The following MTCL2 variants were observed in gnomAD, a reference collection of about 807,000 sequenced individuals.
The protein encoded by MTCL2 is microtubule cross-linking factor 2.
the MTCL2 span, chr20:36,796,792 A>G: frequency 2.4e-6 from 3 of 1,265,750 alleles, no homozygotes; most frequent in East Asian, 2.3e-5. Flanking sequence ...GAAAGCAGGT[A>G]GAGTGGGTGC....
At chr20:36,794,180 T>G in the MTCL2 span, 21 of 1,549,140 alleles carry the variant, frequency 1.4e-5, no homozygotes, top group Non-Finnish European at 1.8e-5. The surrounding 1 kb of genome is among the most constrained non-coding windows in gnomAD (Gnocchi z 5.4). Context: ...CCACCGACCA[T>G]AGGAGCTCTC....
the MTCL2 span, among the ~76,000 whole-genome samples, chr20:36,801,834 C>T: frequency 4.7e-5 from 7 of 149,574 alleles, no homozygotes; most frequent in African/African-American, 1.7e-4. Flanking sequence ...TGTGGTGGCA[C>T]GTGCCTGTAA....
chr20:36,808,793 C>T, the MTCL2 span: 19 of 1,499,286 alleles, frequency 1.3e-5, no homozygotes, highest in South Asian at 1.2e-4. Flanking sequence ...TCCTCTCCCC[C>T]ACCCCTTTCT....
chr20:36,786,704 G>A, the MTCL2 span: 1 of 1,412,084 alleles, frequency 7.1e-7, no homozygotes, highest in East Asian at 2.5e-5. Context: ...ACCATGAGCT[G>A]TGTGGTATGC....
chr20:36,841,917 GTA>G, the MTCL2 span, among the ~76,000 whole-genome samples: 6 of 142,004 alleles, frequency 4.2e-5, no homozygotes, highest in African/African-American at 1.3e-4. Flanking sequence ...GTGTGTGTGT[GTA>G]TACAGGGTTT....
chr20:36,824,678 G>T, the MTCL2 span, among the ~76,000 whole-genome samples: 1 of 151,132 alleles, frequency 6.6e-6, no homozygotes, highest in South Asian at 2.1e-4. Flanking sequence ...TTTCAGACAG[G>T]GTCTCGCTCT....
At chr20:36,853,621 G>A in the MTCL2 span, among the ~76,000 whole-genome samples, 21 of 151,918 alleles carry the variant, frequency 1.4e-4, no homozygotes, top group Non-Finnish European at 2.5e-4. Context: ...TAAGGTCTAC[G>A]CAGCCAGTCA....
At chr20:36,808,780 C>A in the MTCL2 span, 1 of 1,528,590 alleles carries the variant, frequency 6.5e-7, no homozygotes, top group Non-Finnish European at 8.8e-7. Flanking sequence ...CCCCAGGGCC[C>A]TGTCCTCTCC....
chr20:36,789,315 C>T, the MTCL2 span, among the ~76,000 whole-genome samples: 201 of 152,212 alleles, frequency 1.3e-3, 1 homozygote, highest in Admixed American at 2.8e-3. Flanking sequence ...CGAGATATTA[C>T]GTAAAACATT....
the MTCL2 span, among the ~76,000 whole-genome samples, chr20:36,840,413 C>T: frequency 1.3e-5 from 2 of 151,692 alleles, no homozygotes. Context: ...CGTAATCAGC[C>T]TGCCTCGGCC....
At chr20:36,841,013 T>A in the MTCL2 span, among the ~76,000 whole-genome samples, 1 of 151,152 alleles carries the variant, frequency 6.6e-6, no homozygotes, top group Non-Finnish European at 1.5e-5. Flanking sequence ...AAAATAATAA[T>A]AACAAAAGAC....
chr20:36,856,844 G>T, the MTCL2 span, among the ~76,000 whole-genome samples: 1 of 150,840 alleles, frequency 6.6e-6, no homozygotes, highest in East Asian at 1.9e-4. Flanking sequence ...CACAGCGTGT[G>T]TGTGTGTGTG....
the MTCL2 span, chr20:36,839,314 T>C: frequency 6.2e-7 from 1 of 1,613,024 alleles, no homozygotes; most frequent in Non-Finnish European, 8.5e-7. This position sits in a 1 kb window ranked among gnomAD's most constrained non-coding sequence, Gnocchi z 5.1. Flanking sequence ...CAGCCGGTAC[T>C]GCAGGATGCG....
the MTCL2 span, among the ~76,000 whole-genome samples, chr20:36,836,962 G>GT: frequency 6.6e-6 from 1 of 152,194 alleles, no homozygotes; most frequent in Non-Finnish European, 1.5e-5. Flanking sequence ...CTTAACAAAG[G>GT]TTTTTCTTTT....
the MTCL2 span, chr20:36,804,726 G>A: frequency 6.2e-7 from 1 of 1,611,310 alleles, no homozygotes. Flanking sequence ...TGACAGGTGG[G>A]GGGCTCACCT....
chr20:36,813,471 C>T, the MTCL2 span, among the ~76,000 whole-genome samples: 1 of 151,888 alleles, frequency 6.6e-6, no homozygotes, highest in Admixed American at 6.6e-5. Flanking sequence ...CGATGGCTCA[C>T]ACCTGCAATC....
chr20:36,850,878 G>A, the MTCL2 span, among the ~76,000 whole-genome samples: 64 of 152,310 alleles, frequency 4.2e-4, no homozygotes, highest in South Asian at 8.3e-4. Flanking sequence ...ACTACTCAGC[G>A]ATGAAAAGGA....
the MTCL2 span, chr20:36,808,571 A>G: frequency 6.2e-7 from 1 of 1,611,108 alleles, no homozygotes; most frequent in Admixed American, 1.7e-5. Context: ...GCGCTTGAGG[A>G]ACCACCTGAG....
chr20:36,813,313 T>TAAAA, the MTCL2 span, among the ~76,000 whole-genome samples: 1,134 of 41,880 alleles, frequency 0.027, 345 homozygotes, highest in African/African-American at 0.086. Context: ...ACTGTTTCTT[T>TAAAA]AAAAAAAAAA....
Sources: allele counts gnomAD v4.1 joint callset (sites outside exome capture counted in the v4.1 genomes callset), GRCh38; gene constraint gnomAD v4.1.1; non-coding constraint Gnocchi (gnomAD v3.1); transcripts MANE v1.5; gene names NCBI Gene and HGNC (gene_info 2026-07-23, HGNC 2026-07-21).